The following TM2D1 variants were observed in gnomAD, a reference collection of about 807,000 sequenced individuals.
TM2D1 encodes the protein TM2 domain-containing protein 1.
A neutral mutation model predicts 28.4 loss-of-function variants in TM2D1; 15 were observed. The ratio of observed to expected loss-of-function variants is 0.53; its 90% CI spans 0.35 to 0.81. The LOEUF (loss-of-function observed/expected upper bound fraction) is 0.81. Ranked by LOEUF, TM2D1 falls within the 40% of genes least tolerant of loss-of-function variation. The pLI, the probability that TM2D1 is intolerant of heterozygous loss-of-function variation, is 0.01. For synonymous variants in TM2D1, 93 were observed against 96.2 expected (o/e 0.97, Z 0.20); for missense variants, 236 against 254.9 (o/e 0.93, Z 0.50).
chr1:61,722,625 C>T (rs1408955990), intron 2 of TM2D1, among the ~76,000 whole-genome samples: 3 of 152,144 alleles, frequency 2.0e-5, no homozygotes, highest in Non-Finnish European at 4.4e-5. Flanking sequence ...CCTTGGCCTC[C>T]CAAAGTGCTC....
At chr1:61,709,839 T>A (rs1644464558) in intron 2 of TM2D1, among the ~76,000 whole-genome samples, 1 of 152,238 alleles carries the variant, frequency 6.6e-6, no homozygotes, top group Non-Finnish European at 1.5e-5. Flanking sequence ...TAACATAATC[T>A]GAGTTTGTAT....
chr1:61,718,237 C>T (rs1181669682), intron 2 of TM2D1, among the ~76,000 whole-genome samples: 1 of 151,334 alleles, frequency 6.6e-6, no homozygotes, highest in Non-Finnish European at 1.5e-5. Flanking sequence ...TTAGAGTGAG[C>T]AGAGATCCTG....
chr1:61,706,730 C>T (rs76531369), intron 3 of TM2D1, among the ~76,000 whole-genome samples: 6,269 of 150,712 alleles, frequency 0.042, 442 homozygotes, highest in African/African-American at 0.14. Context: ...TCGCTTGAAC[C>T]CGGGAAGGTT....
At position 61,713,276 on chromosome 1, in the gene TM2D1, A is replaced by G. The variant is rs141897579; in HGVS notation, c.239-3839T>C. On this transcript the variant is annotated intron_variant, in intron 2 of 6. Transcript: ENST00000606498. ...GTGAATTGCTTGCAGCCAGGAGTTC[A>G]AGACCAGTCTGGCCAACATGGTGAA... Among the ~76,000 whole-genome samples, 908 of 152,072 alleles carry G rather than the reference A, an allele frequency of 6.0e-3. 35 individuals carry two copies. The East Asian group carries it at 0.1, about 18-fold the overall frequency.
chr1:61,721,498 C>T (rs1456958486), intron 2 of TM2D1, among the ~76,000 whole-genome samples: 4 of 147,244 alleles, frequency 2.7e-5, no homozygotes, highest in South Asian at 2.1e-4. Context: ...GCTGAGATTG[C>T]GCCACTGCAC....
At chr1:61,713,591 G>C (rs186665638) in intron 2 of TM2D1, among the ~76,000 whole-genome samples, 120 of 150,998 alleles carry the variant, frequency 7.9e-4, no homozygotes, top group African/African-American at 2.9e-3. Flanking sequence ...CCTCAAGCCA[G>C]TAAGTAGATT....
At position 61,694,745 on chromosome 1, in the gene TM2D1, C is replaced by T. The variant is rs1344260839; in HGVS notation, c.465G>A (p.Gly155=). The T allele has an allele frequency of 1.9e-6, 3 of 1,606,902 alleles. No individual in the cohort carries two copies. The highest frequency in any genetic ancestry group is 2.5e-6 in the Non-Finnish European group (3 of 1,176,932). Residue 155 remains glycine (G), a synonymous_variant, in exon 5 of 7, where the codon GGG becomes GGA. Transcript: ENST00000606498. The part of the protein sequence containing the change: ...ALGLLKFCTV[G]FCGIGSLIDF... ...CAATTAGGCTCCCAATTCCACAAAA[C>T]CCTACAGTGCAAAACTTTAACAAAC...
chr1:61,687,954 T>C (rs1644295379), intron 5 of TM2D1, among the ~76,000 whole-genome samples: 1 of 152,254 alleles, frequency 6.6e-6, no homozygotes, highest in South Asian at 2.1e-4. Flanking sequence ...TTTGTATCCA[T>C]ATTTCACTTC....
intron 2 of TM2D1, among the ~76,000 whole-genome samples, chr1:61,712,274 T>C (rs759257633): frequency 2.8e-4 from 42 of 152,186 alleles, no homozygotes; most frequent in Non-Finnish European, 5.3e-4. Flanking sequence ...TATAGATTAG[T>C]CATCTTCAAA....
intron 3 of TM2D1, 69 bp from the exon 4 acceptor site, chr1:61,701,094 AC>A: frequency 8.4e-7 from 1 of 1,193,778 alleles, no homozygotes; most frequent in Non-Finnish European, 1.2e-6. Flanking sequence ...ATTATTAACT[AC>A]TACTTGTTAA....
intron 2 of TM2D1, among the ~76,000 whole-genome samples, chr1:61,715,645 C>CAAAAAAAA (rs759796747): frequency 3.7e-4 from 6 of 16,422 alleles, no homozygotes; most frequent in Non-Finnish European, 6.3e-4. Context: ...AAGACTGTCT[C>CAAAAAAAA]AAAAAAAAAA....
chr1:61,714,795 A>G (rs1257761982), intron 2 of TM2D1, among the ~76,000 whole-genome samples: 1 of 152,060 alleles, frequency 6.6e-6, no homozygotes, highest in South Asian at 2.1e-4. Context: ...GGCTCAAGCA[A>G]TCCACCCATT....
intron 2 of TM2D1, among the ~76,000 whole-genome samples, chr1:61,712,296 C>T (rs1308280722): frequency 1.3e-5 from 2 of 152,188 alleles, no homozygotes; most frequent in African/African-American, 2.4e-5. Flanking sequence ...AAATTCTGCA[C>T]ATATACCTGC....
chr1:61,686,939 A>G, intron 5 of TM2D1: 1 of 983,828 alleles, frequency 1.0e-6, no homozygotes, highest in Non-Finnish European at 1.2e-6. Flanking sequence ...AAGAAAGTAA[A>G]TTACCCCAAT....
chr1:61,701,131 T>G (rs923315657), intron 3 of TM2D1, 106 bp from the exon 4 acceptor site: 2 of 811,446 alleles, frequency 2.5e-6, no homozygotes, highest in Non-Finnish European at 4.0e-6. Context: ...ACTCAGTTAA[T>G]GTTTTTTAGA....
chr1:61,691,357 T>C (rs1179572943), intron 5 of TM2D1, among the ~76,000 whole-genome samples: 1 of 151,544 alleles, frequency 6.6e-6, no homozygotes, highest in African/African-American at 2.4e-5. Flanking sequence ...TAGCCGGGCA[T>C]AGTGGTGCGT....
chr1:61,694,751 A>T lies in TM2D1; in HGVS notation c.459T>A (p.Thr153=). The change falls in exon 5 of 7, where the codon ACT becomes ACA. Residue 153 remains threonine (T), a synonymous_variant. Transcript: ENST00000606498. ...GGCTCCCAATTCCACAAAACCCTAC[A>T]GTGCAAAACTTTAACAAACCTAGAA... ...YPALGLLKFC[T]VGFCGIGSLI... 3 of 1,603,644 alleles carry T rather than the reference A, an allele frequency of 1.9e-6. No homozygotes were observed.
At chr1:61,712,215 G>A (rs1411717539) in intron 2 of TM2D1, among the ~76,000 whole-genome samples, 3 of 152,058 alleles carry the variant, frequency 2.0e-5, no homozygotes, top group Non-Finnish European at 4.4e-5. Context: ...CCACAACAAT[G>A]AATTACCCAG....
At chr1:61,705,376 G>A (rs1644433308) in intron 3 of TM2D1, among the ~76,000 whole-genome samples, 1 of 151,940 alleles carries the variant, frequency 6.6e-6, no homozygotes, top group African/African-American at 2.4e-5. Flanking sequence ...AGTAGAAACG[G>A]GGTTTTACCA....
Sources: gnomAD v4.1 joint callset for allele counts (sites outside exome capture counted in the v4.1 genomes callset) on GRCh38, gnomAD v4.1.1 for gene constraint, MANE v1.5 for transcripts, NCBI Gene and HGNC (gene_info 2026-07-23, HGNC 2026-07-21) for gene names.